OTUD7A: variants seen among roughly 807,000 people sequenced by gnomAD.
OTUD7A encodes OTU domain-containing protein 7A.
Under a neutral mutation model 65.7 loss-of-function variants are expected in OTUD7A, and 12 were observed. The ratio of observed to expected loss-of-function variants is 0.18; its 90% CI spans 0.12 to 0.30. The LOEUF (loss-of-function observed/expected upper bound fraction) is 0.30. Ranked by LOEUF, OTUD7A falls within the 10% of genes least tolerant of loss-of-function variation. The probability of loss-of-function intolerance (pLI) is 1.00; values close to 1 mark genes in which losing one functional copy is unlikely to be tolerated. For missense variants in OTUD7A, 1,148 were observed against 1,304.8 expected, an observed-to-expected ratio of 0.88 and a Z score of 1.85; for synonymous variants, 641 against 586.3, an observed-to-expected ratio of 1.09 and a Z score of -1.35.
chr15:31,744,240 A>G (rs948340480), intron 1 of OTUD7A, among the ~76,000 whole-genome samples: 2 of 152,210 alleles, frequency 1.3e-5, no homozygotes, highest in African/African-American at 4.8e-5. Context: ...TAAGAGAAAG[A>G]AAAACTCATT....
intron 8 of OTUD7A, 45 bp from the exon 9 acceptor site, chr15:31,503,863 T>G (rs374481630): frequency 5.0e-6 from 8 of 1,610,014 alleles, no homozygotes; most frequent in African/African-American, 4.0e-5. Flanking sequence ...TAAAACAGGG[T>G]GGAGGATGGA....
intron 1 of OTUD7A, among the ~76,000 whole-genome samples, chr15:31,776,443 G>T (rs1288585554): frequency 6.6e-6 from 1 of 152,188 alleles, no homozygotes; most frequent in East Asian, 1.9e-4. Flanking sequence ...CCTGCAGCCT[G>T]TGGTGTGACT....
chr15:31,582,579 TGGCAGCA>T (rs1448295499), intron 3 of OTUD7A, among the ~76,000 whole-genome samples: 1 of 152,214 alleles, frequency 6.6e-6, no homozygotes, highest in African/African-American at 2.4e-5. Flanking sequence ...AAGTCTTACA[TGGCAGCA>T]GGCAAGAGAG....
chr15:31,836,065 T>G (rs1209686573), intron 1 of OTUD7A, among the ~76,000 whole-genome samples: 1 of 152,162 alleles, frequency 6.6e-6, no homozygotes, highest in East Asian at 1.9e-4. Flanking sequence ...GCTCAACCTG[T>G]ATATACACAA....
chr15:31,818,088 T>C (rs1896595580), intron 1 of OTUD7A, among the ~76,000 whole-genome samples: 1 of 152,146 alleles, frequency 6.6e-6, no homozygotes, highest in African/African-American at 2.4e-5. Flanking sequence ...CAAGGCACCA[T>C]CTATGGAGCA....
chr15:31,643,423 T>C (rs1231393464), intron 3 of OTUD7A, among the ~76,000 whole-genome samples: 3 of 152,240 alleles, frequency 2.0e-5, no homozygotes, highest in Admixed American at 6.5e-5. Flanking sequence ...TTCCACTGAG[T>C]TACTTTTTCA....
intron 1 of OTUD7A, chr15:31,767,448 C>T: frequency 2.6e-6 from 2 of 774,546 alleles, no homozygotes; most frequent in Non-Finnish European, 4.8e-6. Flanking sequence ...GCTTCTTGGC[C>T]AATTTGCTAG....
chr15:31,788,646 G>A (rs1258962601), intron 1 of OTUD7A, among the ~76,000 whole-genome samples: 1 of 152,184 alleles, frequency 6.6e-6, no homozygotes, highest in Non-Finnish European at 1.5e-5. Flanking sequence ...CCCAGAGTGG[G>A]TAGGGTACCC....
Position 31,842,085 on chromosome 15 carries a change from A to G in OTUD7A, c.-100+28422T>C, listed in dbSNP as rs564972889. ...GAATTAATGAGCTACAACTACACAC[A>G]AGGCCCTGTATGAATCTCACACACA... On this transcript the variant is annotated intron_variant, in intron 1 of 12. Coordinates refer to ENST00000307050, the MANE Select transcript of OTUD7A (RefSeq NM_001382637.1). Among the ~76,000 whole-genome samples the G allele has an allele frequency of 9.8e-5, 15 of 152,344 alleles. No homozygotes were observed. The South Asian group carries it at 2.9e-3, about 29-fold the overall frequency.
intron 1 of OTUD7A, among the ~76,000 whole-genome samples, chr15:31,674,613 G>A (rs7177484): frequency 0.056 from 8,535 of 151,960 alleles, 800 homozygotes; most frequent in African/African-American, 0.19. Flanking sequence ...GTAAAAGCCC[G>A]TTATTCCCTG....
At chr15:31,533,774 TTCTTC>T (rs1424627106) in intron 5 of OTUD7A, among the ~76,000 whole-genome samples, 12 of 152,338 alleles carry the variant, frequency 7.9e-5, no homozygotes, top group African/African-American at 2.6e-4. Context: ...AAGACTTTCC[TTCTTC>T]TCTTGAGTTT....
chr15:31,775,967 C>T (rs1190285361), intron 1 of OTUD7A, among the ~76,000 whole-genome samples: 2 of 152,228 alleles, frequency 1.3e-5, no homozygotes, highest in African/African-American at 2.4e-5. Flanking sequence ...TTAAAACGCA[C>T]ATACACATAC....
At chr15:31,530,606 AGT>A in intron 6 of OTUD7A, 99 bp downstream of exon 6, 1 of 1,063,138 alleles carries the variant, frequency 9.4e-7, no homozygotes, top group Non-Finnish European at 1.4e-6. Flanking sequence ...GACTCTATTT[AGT>A]GTATGCTTTT....
intron 3 of OTUD7A, among the ~76,000 whole-genome samples, chr15:31,579,363 G>A (rs1889302064): frequency 6.6e-6 from 1 of 152,218 alleles, no homozygotes; most frequent in Admixed American, 6.5e-5. Flanking sequence ...CAAATTGCCA[G>A]TATCACTGTT....
intron 3 of OTUD7A, among the ~76,000 whole-genome samples, chr15:31,653,051 C>T (rs1328861354): frequency 6.6e-6 from 1 of 152,066 alleles, no homozygotes; most frequent in Admixed American, 6.5e-5. Context: ...GAGCTCAAGA[C>T]CAGCCTGGCC....
In OTUD7A at chr15:31,839,238, T is replaced by C. The variant is rs921057944; in HGVS notation, c.-100+31269A>G. Reference sequence around the variant, plus strand: ...CCAGCAACTGGATTGCTTCCCACAGTGGGCAGGCGCTGGCCTCAATACTGG... The same window carrying C: ...CCAGCAACTGGATTGCTTCCCACAGCGGGCAGGCGCTGGCCTCAATACTGG... On this transcript the variant is annotated intron_variant, in intron 1 of 12. Coordinates refer to ENST00000307050, the MANE Select transcript of OTUD7A (RefSeq NM_001382637.1). Among the ~76,000 whole-genome samples, 46 of 152,316 alleles carry C rather than the reference T, an allele frequency of 3.0e-4. 1 individual carries two copies. Among genetic ancestry groups the C allele is most frequent in the Middle Eastern group, 3.4e-3 (1 of 294 alleles).
rs1211340364 is a variant in OTUD7A, at chr15:31,791,367, A to AT, written c.-100+79139dup. On this transcript the variant is annotated intron_variant, in intron 1 of 12. Transcript: ENST00000307050. ...AAGGGAGTTGCTTGGTTCCTAGGAAATTTTTTTGTTAAATATAAGAAGTGG... is the reference window on the plus strand; with the variant it reads ...AAGGGAGTTGCTTGGTTCCTAGGAAATTTTTTTTGTTAAATATAAGAAGTGG... Among the ~76,000 whole-genome samples, 22 of 151,992 alleles carry AT rather than the reference A, an allele frequency of 1.4e-4. No homozygotes were observed. The East Asian group carries it at 4.0e-3, about 28-fold the overall frequency.
intron 1 of OTUD7A, among the ~76,000 whole-genome samples, chr15:31,799,547 A>T (rs1357670330): frequency 6.6e-6 from 1 of 152,100 alleles, no homozygotes; most frequent in African/African-American, 2.4e-5. Context: ...CTCTCTCTCC[A>T]CGTGCATGCT....
intron 1 of OTUD7A, among the ~76,000 whole-genome samples, chr15:31,781,942 T>A (rs1434366550): frequency 6.6e-6 from 1 of 152,202 alleles, no homozygotes; most frequent in African/African-American, 2.4e-5. Flanking sequence ...TACTGCCAAG[T>A]GGTTTTCCTG....
Sources: gnomAD v4.1 joint callset for allele counts (sites outside exome capture counted in the v4.1 genomes callset) on GRCh38, gnomAD v4.1.1 for gene constraint, MANE v1.5 for transcripts, NCBI Gene and HGNC (gene_info 2026-07-23, HGNC 2026-07-21) for gene names.